The following RBFOX1 variants were observed in gnomAD, a reference collection of about 807,000 sequenced individuals.
RBFOX1 encodes RNA binding fox-1 homolog 1, also known as RNA binding protein fox-1 homolog 1.
RBFOX1 carries 8 observed loss-of-function variants against 57.7 expected under a neutral mutation model. The observed-to-expected ratio is 0.14, with a 90% confidence interval of 0.08 to 0.25. The LOEUF is 0.25. RBFOX1 is among the 10% of genes least tolerant of loss of function. The pLI is 1.00. For synonymous variants in RBFOX1, 326 were observed against 222.4 expected (o/e 1.47, Z -4.15); for missense variants, 611 against 548.5 (o/e 1.11, Z -1.14).
At chr16:6,805,509 C>G (rs141711657) in intron 3 of RBFOX1, among the ~76,000 whole-genome samples, 1 of 152,178 alleles carries the variant, frequency 6.6e-6, no homozygotes, top group East Asian at 1.9e-4. Flanking sequence ...ATGTAATGAA[C>G]CTGTACATGT....
At chr16:7,283,451 T>C (rs2095588214) in intron 4 of RBFOX1, among the ~76,000 whole-genome samples, 1 of 152,016 alleles carries the variant, frequency 6.6e-6, no homozygotes, top group South Asian at 2.1e-4. Context: ...ATGGTGCCTC[T>C]TCCGTGGTGG....
intron 2 of RBFOX1, among the ~76,000 whole-genome samples, chr16:6,627,304 T>C (rs2098324004): frequency 1.3e-5 from 2 of 152,192 alleles, no homozygotes. Context: ...TGCTTACCTG[T>C]TCTAGGTATA....
intron 3 of RBFOX1, among the ~76,000 whole-genome samples, chr16:6,893,083 A>G (rs1167792661): frequency 1.3e-5 from 2 of 152,062 alleles, no homozygotes; most frequent in Non-Finnish European, 2.9e-5. Context: ...AAGACTGCCC[A>G]CCTCACCTGA....
At position 5,651,040 on chromosome 16, in the gene RBFOX1, CTTTTTTTTTTTTT is replaced by C. The variant is rs869240597; in HGVS notation, c.318+52097_318+52109del. ...TCCTCTGGGAGAACACTACCTCCTTCTTTTTTTTTTTTTTTTTTTTTTTTTTTTTTGAGACAGG... is the reference window on the plus strand; with the variant it reads ...TCCTCTGGGAGAACACTACCTCCTTCTTTTTTTTTTTTTTTTTGAGACAGG... On this transcript the variant is annotated intron_variant, in intron 3 of 19. Transcript: ENST00000641259. Among the ~76,000 whole-genome samples, 51 of 56,894 alleles carry C rather than the reference CTTTTTTTTTTTTT, an allele frequency of 9.0e-4. 1 individual carries two copies. The highest frequency in any genetic ancestry group is 3.3e-3 in the African/African-American group (45 of 13,764). The allele number at this position is 56,894 out of a possible 152,430, so 37.3% of individuals were successfully genotyped here. A position where few individuals can be genotyped will look rare whatever the true frequency, so the allele number is the denominator to read the frequency against.
intron 3 of RBFOX1, among the ~76,000 whole-genome samples, chr16:7,020,897 C>T (rs760599342): frequency 6.6e-6 from 1 of 152,182 alleles, no homozygotes; most frequent in African/African-American, 2.4e-5. Flanking sequence ...GATGCTAAGA[C>T]AGGCAAATCG....
At chr16:7,504,771 TTA>T (rs1200144121) in intron 4 of RBFOX1, among the ~76,000 whole-genome samples, 2,381 of 49,754 alleles carry the variant, frequency 0.048, 225 homozygotes, top group South Asian at 0.096. Context: ...ATATATATAT[TTA>T]TATATATATA....
At chr16:6,969,058 C>G (rs905307615) in intron 3 of RBFOX1, among the ~76,000 whole-genome samples, 1 of 152,032 alleles carries the variant, frequency 6.6e-6, no homozygotes, top group African/African-American at 2.4e-5. Context: ...AGTTCCCATC[C>G]GAGAGGTGTC....
At position 6,953,051 on chromosome 16, in the gene RBFOX1, C is replaced by G. The variant is rs1291169062; in HGVS notation, c.-15-99006C>G. 2.6e-5 allele frequency among the ~76,000 whole-genome samples: 4 copies of G among 152,098 alleles called. No individual in the cohort carries two copies. In the East Asian group the frequency reaches 5.8e-4, roughly 22 times the overall value. Reference sequence around the variant, plus strand: ...CAATGTATATTAAGCATTATTATTTCTATATTGCAGGTGGCGAAACCAAGC... The same window carrying G: ...CAATGTATATTAAGCATTATTATTTGTATATTGCAGGTGGCGAAACCAAGC... On this transcript the variant is annotated intron_variant, in intron 3 of 15. Transcript: ENST00000550418.
At chr16:6,628,506 A>G (rs2098339836) in intron 2 of RBFOX1, among the ~76,000 whole-genome samples, 1 of 152,158 alleles carries the variant, frequency 6.6e-6, no homozygotes, top group South Asian at 2.1e-4. Context: ...CATTTTTATC[A>G]TATTTGTTTT....
intron 4 of RBFOX1, among the ~76,000 whole-genome samples, chr16:7,299,553 C>T (rs536357101): frequency 4.6e-5 from 7 of 152,176 alleles, no homozygotes; most frequent in Non-Finnish European, 1.0e-4. Flanking sequence ...GGGACGAAGC[C>T]CTTTACTCTG....
intron 3 of RBFOX1, among the ~76,000 whole-genome samples, chr16:5,728,292 A>T (rs886238341): frequency 6.6e-6 from 1 of 152,228 alleles, no homozygotes; most frequent in African/African-American, 2.4e-5. Flanking sequence ...AAAGAAGGAA[A>T]TCCTGCCATT....
intron 3 of RBFOX1, among the ~76,000 whole-genome samples, chr16:6,782,544 A>T (rs991327680): frequency 6.6e-6 from 1 of 152,072 alleles, no homozygotes; most frequent in Non-Finnish European, 1.5e-5. Context: ...TTTATGTCCA[A>T]TAAATGCTTA....
At chr16:5,638,961 TCTCTC>T (rs1434591622) in intron 3 of RBFOX1, among the ~76,000 whole-genome samples, 7 of 152,176 alleles carry the variant, frequency 4.6e-5, no homozygotes. Flanking sequence ...GAAATGCCAT[TCTCTC>T]CTCCTGCAGG....
chr16:6,519,568 G>T (rs1189353706), intron 2 of RBFOX1, among the ~76,000 whole-genome samples: 1 of 152,116 alleles, frequency 6.6e-6, no homozygotes, highest in Non-Finnish European at 1.5e-5. Context: ...AGGCGTGGTG[G>T]TACATGCCTG....
intron 1 of RBFOX1, among the ~76,000 whole-genome samples, chr16:5,246,604 C>T (rs1006585929): frequency 1.3e-5 from 2 of 152,108 alleles, no homozygotes; most frequent in South Asian, 2.1e-4. Context: ...TGGCATCTGC[C>T]CACTTCCCCA....
chr16:5,417,283 C>G (rs767663009), intron 1 of RBFOX1, among the ~76,000 whole-genome samples: 1 of 152,108 alleles, frequency 6.6e-6, no homozygotes, highest in African/African-American at 2.4e-5. Context: ...TGTGTCCGAA[C>G]GTAATTTAAT....
Position 7,703,402 on chromosome 16 carries a change from C to G in RBFOX1, c.996-5654C>G, listed in dbSNP as rs544200052. On this transcript the variant is annotated intron_variant, in intron 14 of 15. Coordinates refer to ENST00000550418, the MANE Select transcript of RBFOX1 (RefSeq NM_018723.4). ...CTACCTTCTGAACTTCATCTGAGAGCTGAGCAGATTTCACTCATCTTTCTG... is the reference window on the plus strand; with the variant it reads ...CTACCTTCTGAACTTCATCTGAGAGGTGAGCAGATTTCACTCATCTTTCTG... Among the ~76,000 whole-genome samples the G allele has an allele frequency of 2.6e-5, 4 of 152,264 alleles. No individual in the cohort carries two copies. The South Asian group carries it at 8.3e-4, about 32-fold the overall frequency.
At chr16:5,890,697 GA>G (rs71404558) in intron 4 of RBFOX1, among the ~76,000 whole-genome samples, 2,152 of 61,398 alleles carry the variant, frequency 0.035, 43 homozygotes, top group African/African-American at 0.11. Flanking sequence ...AGTCTGTATT[GA>G]AAAAAAAAAA....
At chr16:6,927,785 G>T (rs1049303811) in intron 3 of RBFOX1, among the ~76,000 whole-genome samples, 1 of 152,100 alleles carries the variant, frequency 6.6e-6, no homozygotes, top group Non-Finnish European at 1.5e-5. Flanking sequence ...TTGTTCTGTT[G>T]AATTAAGCCA....
Sources: gnomAD v4.1 joint callset for allele counts (sites outside exome capture counted in the v4.1 genomes callset) on GRCh38, gnomAD v4.1.1 for gene constraint, MANE v1.5 for transcripts, NCBI Gene and HGNC (gene_info 2026-07-23, HGNC 2026-07-21) for gene names.